The following ASAP2 variants were observed in gnomAD, a reference collection of about 807,000 sequenced individuals.
ASAP2 encodes arf-GAP with SH3 domain, ANK repeat and PH domain-containing protein 2.
Under a neutral mutation model 131.4 loss-of-function variants are expected in ASAP2, and 45 were observed. The observed-to-expected ratio is 0.34, with a 90% CI of 0.27 to 0.44. The LOEUF is 0.44. Among genes scored for constraint, ASAP2 ranks in the 20% least tolerant of loss-of-function variants. The probability of loss-of-function intolerance (pLI) is 1.00; values close to 1 mark genes in which losing one functional copy is unlikely to be tolerated. For missense variants in ASAP2, 1,011 were observed against 1,297.0 expected, an observed-to-expected ratio of 0.78 and a Z score of 3.39; for synonymous variants, 510 against 503.0, an observed-to-expected ratio of 1.01 and a Z score of -0.19.
intron 1 of ASAP2, among the ~76,000 whole-genome samples, chr2:9,234,497 AG>A (rs1016820524): frequency 6.6e-6 from 1 of 152,164 alleles, no homozygotes; most frequent in Non-Finnish European, 1.5e-5. Context: ...GGAGCTCAGA[AG>A]CAGGGAGAGA....
At chr2:9,337,656 T>C (rs1572488324) in intron 9 of ASAP2, among the ~76,000 whole-genome samples, 1 of 152,296 alleles carries the variant, frequency 6.6e-6, no homozygotes, top group Middle Eastern at 3.4e-3. Flanking sequence ...GCATCAGTTA[T>C]TGAAGGAATG....
At position 9,388,532 on chromosome 2, in the gene ASAP2, G is replaced by A. The variant is rs1139804; in HGVS notation, c.2369G>A (p.Arg790Gln). ...STTSAPPLPP[R>Q]NVGKVQTASS... ...ACCAGCGCCCCCCCGCTTCCTCCAC[G>A]GAATGTTGGCAAAGGTATGAAGCTG... Residue 790 changes from arginine to glutamine, a missense_variant, in exon 22 of 28, where the codon CGG (arginine) becomes CAG (glutamine). By Grantham distance (43) the Arg-to-Gln change is conservative (BLOSUM62 1). Around this residue, in one of 2 missense-constraint regions of ASAP2, gnomAD observed 652 missense variants for 698.9 expected, o/e 0.93. Coordinates refer to ENST00000281419, the MANE Select transcript of ASAP2 (RefSeq NM_003887.3). 2.0e-5 allele frequency: 33 copies of A among 1,612,678 alleles called. No individual in the cohort carries two copies. Among genetic ancestry groups the A allele is most frequent in the South Asian group, 1.1e-4 (10 of 90,804 alleles).
At chr2:9,336,675 C>T (rs1338569933) in intron 9 of ASAP2, among the ~76,000 whole-genome samples, 1 of 152,214 alleles carries the variant, frequency 6.6e-6, no homozygotes, top group African/African-American at 2.4e-5. Flanking sequence ...AACATGGTGA[C>T]TTCCTCCTAG....
intron 12 of ASAP2, among the ~76,000 whole-genome samples, chr2:9,351,557 A>G (rs748432016): frequency 1.2e-4 from 18 of 152,166 alleles, no homozygotes; most frequent in Admixed American, 2.6e-4. Flanking sequence ...AGAAAGGGCC[A>G]GTCTCCCCTT....
Position 9,403,258 on chromosome 2 carries a change from C to A in ASAP2, c.2952C>A (p.Gly984=). The A allele has an allele frequency of 6.2e-7, 1 of 1,613,908 alleles. No homozygotes were observed. The change falls in exon 28 of 28, where the codon GGC becomes GGA. Residue 984 remains glycine, a synonymous_variant. Transcript: ENST00000281419. ...DGEEDQEWWI[G]HIDGDPGRKG... ...TACACTTTTCTCCATTTCAGATTGGCCACATTGATGGAGATCCTGGTCGCA... is the reference window on the plus strand; with the variant it reads ...TACACTTTTCTCCATTTCAGATTGGACACATTGATGGAGATCCTGGTCGCA...
At chr2:9,373,833 A>G (rs1032133311) in intron 16 of ASAP2, among the ~76,000 whole-genome samples, 2 of 152,128 alleles carry the variant, frequency 1.3e-5, no homozygotes, top group African/African-American at 4.8e-5. Flanking sequence ...GTGACCCTCA[A>G]CCTTCAGAAT....
In ASAP2 at chr2:9,356,299, G is replaced by T. The variant is rs1045314805; in HGVS notation, c.1281G>T (p.Val427=). 7 of 1,613,000 alleles carry T rather than the reference G, an allele frequency of 4.3e-6. No homozygotes were observed. The highest frequency in any genetic ancestry group is 4.0e-5 in the African/African-American group (3 of 74,904). ...QELTKEIISE[V]QRMTGNDVCC... ...TGACAAAGGAGATCATCTCAGAAGTGCAGAGGATGACGGGCAATGACGTCT... is the reference window on the plus strand; with the variant it reads ...TGACAAAGGAGATCATCTCAGAAGTTCAGAGGATGACGGGCAATGACGTCT... Residue 427 remains valine (V), a synonymous_variant, in exon 14 of 28, where the codon GTG becomes GTT. Coordinates refer to ENST00000281419, the MANE Select transcript of ASAP2 (RefSeq NM_003887.3).
chr2:9,279,332 C>T lies in ASAP2; in HGVS notation c.142C>T (p.Arg48Trp), dbSNP rs774583249. ...AAIEEALDVD[R>W]MVLYKMKKSV... is the part of the protein sequence containing the mutation. The stretch of plus-strand genomic sequence containing the variant: ...TACATTTTAGGCTTTGGACGTGGAC[C>T]GGATGGTTCTTTACAAAATGAAGAA... The change falls in exon 2 of 28, where the codon CGG becomes TGG. Residue 48 changes from arginine (R) to tryptophan (W), a missense_variant. By Grantham distance (101) the Arg-to-Trp change is moderately radical (BLOSUM62 -3). This residue lies in a region of ASAP2 where 359 missense variants were observed against 598.1 expected (regional missense o/e 0.60). Transcript: ENST00000281419. The T allele has an allele frequency of 5.0e-6, 8 of 1,613,938 alleles. No individual in the cohort carries two copies. The Admixed American group carries it at 6.7e-5, about 13-fold the overall frequency.
At chr2:9,222,118 G>T (rs192033022) in intron 1 of ASAP2, among the ~76,000 whole-genome samples, 4 of 152,318 alleles carry the variant, frequency 2.6e-5, no homozygotes, top group African/African-American at 9.6e-5. Flanking sequence ...TGCTGGATCA[G>T]TTCTTAATCA....
intron 3 of ASAP2, among the ~76,000 whole-genome samples, chr2:9,318,005 C>CAT (rs76026369): frequency 3.9e-5 from 6 of 151,952 alleles, no homozygotes; most frequent in Non-Finnish European, 7.4e-5. Context: ...AACACACACA[C>CAT]GTCTTTTCTC....
rs900199530 is a variant in ASAP2, at chr2:9,248,017, T to C, written c.127-31300T>C. ...TGCCATCTGGAACATGTCCAGGAAC[T>C]GGAAGTCAACAGAAAAGGCCTTGGA... On this transcript the variant is annotated intron_variant, in intron 1 of 27. Coordinates refer to ENST00000281419, the MANE Select transcript of ASAP2 (RefSeq NM_003887.3). Among the ~76,000 whole-genome samples the C allele has an allele frequency of 3.0e-4, 45 of 152,182 alleles. 1 individual carries two copies. The highest frequency in any genetic ancestry group is 1.1e-3 in the African/African-American group (45 of 41,428).
At position 9,207,308 on chromosome 2, in the gene ASAP2, C is replaced by T; in HGVS notation, c.126+78C>T. The T allele has an allele frequency of 1.4e-6, 2 of 1,437,578 alleles. No homozygotes were observed. The highest frequency in any genetic ancestry group is 5.6e-5 in the East Asian group (2 of 36,036). 89.1% of individuals were successfully genotyped at this position (1,437,578 alleles called of 1,614,324 possible). A position where few individuals can be genotyped will look rare whatever the true frequency, so the allele number is the denominator to read the frequency against. ...CGCCCGCCGCTCCCGCATCCGCATC[C>T]CGAGAAAACTTTCTTTGCTCCGAAG... On this transcript the variant is annotated intron_variant, in intron 1 of 27. Coordinates refer to ENST00000281419, the MANE Select transcript of ASAP2 (RefSeq NM_003887.3). The surrounding 1 kb of genome is among the most constrained non-coding windows in gnomAD (Gnocchi z 4.1).
intron 2 of ASAP2, among the ~76,000 whole-genome samples, chr2:9,286,447 A>AAAAAAATATATAT (rs58605449): frequency 1.3e-4 from 19 of 148,488 alleles, no homozygotes; most frequent in South Asian, 1.3e-3. Context: ...GAAAAAAAAA[A>AAAAAAATATATAT]ATATATATAT....
At chr2:9,373,234 A>G (rs754594447) in intron 16 of ASAP2, among the ~76,000 whole-genome samples, 2 of 151,864 alleles carry the variant, frequency 1.3e-5, no homozygotes, top group Non-Finnish European at 2.9e-5. Context: ...CCAGAGCACA[A>G]GTTCACCAGG....
At chr2:9,267,194 C>T (rs866286526) in intron 1 of ASAP2, among the ~76,000 whole-genome samples, 2 of 152,012 alleles carry the variant, frequency 1.3e-5, no homozygotes, top group East Asian at 1.9e-4. Context: ...AGGTTTGCTA[C>T]GTGGGATATA....
Position 9,282,636 on chromosome 2 carries a change from G to C in ASAP2, c.199+3247G>C, listed in dbSNP as rs114306743. On this transcript the variant is annotated intron_variant, in intron 2 of 27. Transcript: ENST00000281419. ...TGGTTCCAAAGGAGAAGTCCCCATA[G>C]TGTTTTGATCACGAGAATAAAGACC... is the stretch of plus-strand genomic sequence containing the variant. Among the ~76,000 whole-genome samples, 953 of 152,346 alleles carry C rather than the reference G, an allele frequency of 6.3e-3. 1 individual carries two copies. The highest frequency in any genetic ancestry group is 0.011 in the Non-Finnish European group (764 of 68,046).
rs76236671 is a variant in ASAP2, at chr2:9,244,653, C to T, written c.127-34664C>T. 1.5e-3 allele frequency among the ~76,000 whole-genome samples: 221 copies of T among 152,302 alleles called. 7 individuals carry two copies. The East Asian group carries it at 0.036, about 25-fold the overall frequency. ...GCCTGGCACTTACTGGACTGAAGGA[C>T]AGAATCACTAACCTGGGCTTTTACT... On this transcript the variant is annotated intron_variant, in intron 1 of 27. Transcript: ENST00000281419.
intron 9 of ASAP2, among the ~76,000 whole-genome samples, chr2:9,343,363 T>A (rs1019095322): frequency 2.6e-5 from 4 of 152,032 alleles, no homozygotes; most frequent in African/African-American, 9.7e-5. Flanking sequence ...TCGTTTCCTT[T>A]AAGTCTCAGG....
chr2:9,221,329 T>C (rs1475500463), intron 1 of ASAP2, among the ~76,000 whole-genome samples: 1 of 150,994 alleles, frequency 6.6e-6, no homozygotes, highest in African/African-American at 2.4e-5. Flanking sequence ...TTTTCTTTTT[T>C]TTTTTTTTTT....
Sources: allele counts gnomAD v4.1 joint callset (sites outside exome capture counted in the v4.1 genomes callset), GRCh38; gene constraint gnomAD v4.1.1; regional missense constraint gnomAD v4.1.1; non-coding constraint Gnocchi (gnomAD v3.1); transcripts MANE v1.5; gene names NCBI Gene and HGNC (gene_info 2026-07-23, HGNC 2026-07-21).